The following EPHA8 variants were observed in gnomAD, a reference collection of about 807,000 sequenced individuals.
The protein encoded by EPHA8 is EPH receptor A8.
Under a neutral mutation model 103.6 loss-of-function variants are expected in EPHA8, and 58 were observed. The ratio of observed to expected loss-of-function variants is 0.56; its 90% CI spans 0.45 to 0.70. EPHA8 has a LOEUF of 0.70. Among genes scored for constraint, EPHA8 ranks in the 30% least tolerant of loss-of-function variants. EPHA8 has a pLI of 0.00. For missense variants in EPHA8, 1,304 were observed against 1,395.2 expected, an observed-to-expected ratio of 0.93 and a Z score of 1.04; for synonymous variants, 559 against 572.5, an observed-to-expected ratio of 0.98 and a Z score of 0.34.
Position 22,589,696 on chromosome 1 carries a change from C to G in EPHA8, c.1315+490C>G, listed in dbSNP as rs1641324673. On this transcript the variant is annotated intron_variant, in intron 5 of 16. Transcript: ENST00000166244. The surrounding 1 kb of genome is among the most constrained non-coding windows in gnomAD (Gnocchi z 4.3). ...TAGACTTGGCTGCACTGGCTTGGAC[C>G]ACAGTAGTTTATCTATCAGTTTCTG... The G allele has an allele frequency of 2.8e-6, 3 of 1,080,888 alleles. No homozygotes were observed. Among genetic ancestry groups the G allele is most frequent in the Non-Finnish European group, 3.4e-6 (3 of 893,134 alleles). 67.0% of individuals were successfully genotyped at this position (1,080,888 alleles called of 1,614,324 possible). A position where few individuals can be genotyped will look rare whatever the true frequency, so the allele number is the denominator to read the frequency against.
Position 22,597,728 on chromosome 1 carries a change from T to C in EPHA8, c.1983T>C (p.Asp661=). 6.2e-7 allele frequency: 1 copy of C among 1,612,910 alleles called. No homozygotes were observed. The highest frequency in any genetic ancestry group is 8.5e-7 in the Non-Finnish European group (1 of 1,179,920). Reference sequence around the variant, plus strand: ...GGCTGCGGGTGCCAGGGCAGCGGGATGTGCCCGTGGCCATCAAGGCCCTCA... The same window carrying C: ...GGCTGCGGGTGCCAGGGCAGCGGGACGTGCCCGTGGCCATCAAGGCCCTCA... ...YGRLRVPGQR[D]VPVAIKALKA... The change falls in exon 11 of 17, where the codon GAT becomes GAC. Residue 661 remains aspartate, a synonymous_variant. Coordinates refer to ENST00000166244, the MANE Select transcript of EPHA8 (RefSeq NM_020526.5). This position sits in a 1 kb window ranked among gnomAD's most constrained non-coding sequence, Gnocchi z 4.6.
chr1:22,590,913 A>C (rs1641354808), intron 5 of EPHA8, among the ~76,000 whole-genome samples: 1 of 151,962 alleles, frequency 6.6e-6, no homozygotes, highest in African/African-American at 2.4e-5. Context: ...CTCCAGACCC[A>C]AGCTGTCATC....
rs750733199 is a variant in EPHA8, at chr1:22,576,510, C to A, written c.453C>A (p.Asp151Glu). 1 of 1,614,176 alleles carries A rather than the reference C, an allele frequency of 6.2e-7. No homozygotes were observed. The highest frequency in any genetic ancestry group is 8.5e-7 in the Non-Finnish European group (1 of 1,180,046). Reference sequence around the variant, plus strand: ...TCAAAATCGACACCATTGCGGCCGACGAGAGCTTCACAGGTGCCGACCTTG... The same window carrying A: ...TCAAAATCGACACCATTGCGGCCGAAGAGAGCTTCACAGGTGCCGACCTTG... ...QFLKIDTIAA[D>E]ESFTGADLGV... is the part of the protein sequence containing the mutation. The change falls in exon 3 of 17, where the codon GAC becomes GAA. Residue 151 changes from aspartate (D) to glutamate (E), a missense_variant. By Grantham distance (45) the Asp-to-Glu change is conservative (BLOSUM62 2). Coordinates refer to ENST00000166244, the MANE Select transcript of EPHA8 (RefSeq NM_020526.5). The surrounding 1 kb of genome is among the most constrained non-coding windows in gnomAD (Gnocchi z 4.8).
chr1:22,597,619 G>A lies in EPHA8; in HGVS notation c.1931-57G>A. 6.4e-7 allele frequency: 1 copy of A among 1,555,364 alleles called. No homozygotes were observed. Among genetic ancestry groups the A allele is most frequent in the Non-Finnish European group, 8.7e-7 (1 of 1,149,540 alleles). ...GGGGTCCAAGGGCCTGGGAGGCTGG[G>A]GGAGTCTGAGGGTCCCACTGCCCTC... On this transcript the variant is annotated intron_variant, in intron 10 of 16. Transcript: ENST00000166244. The surrounding 1 kb of genome is among the most constrained non-coding windows in gnomAD (Gnocchi z 4.6).
In EPHA8 at chr1:22,598,154, G is replaced by A. The variant is rs769624500; in HGVS notation, c.2120G>A (p.Arg707His). Residue 707 changes from arginine to histidine, a missense_variant, in exon 12 of 17, where the codon CGC becomes CAC. Arg to His is a conservative substitution (Grantham distance 29, BLOSUM62 0). Transcript: ENST00000166244. The surrounding 1 kb of genome is among the most constrained non-coding windows in gnomAD (Gnocchi z 5.1). ...IRLEGVVTRG[R>H]LAMIVTEYME... The stretch of plus-strand genomic sequence containing the variant: ...CCTCTCCCTACTGCCCGCCCAGGCC[G>A]CCTGGCAATGATTGTGACTGAGTAC... The A allele has an allele frequency of 1.3e-5, 21 of 1,613,260 alleles. No individual in the cohort carries two copies. The highest frequency in any genetic ancestry group is 5.3e-5 in the African/African-American group (4 of 74,902).
At chr1:22,599,698 G>A (rs1474960975) in intron 13 of EPHA8, among the ~76,000 whole-genome samples, 3 of 34,810 alleles carry the variant, frequency 8.6e-5, no homozygotes, top group East Asian at 1.3e-3. Flanking sequence ...AAAGGAGGGA[G>A]GGAGGAAGGA....
At chr1:22,592,909 C>G (rs1641412128) in intron 5 of EPHA8, among the ~76,000 whole-genome samples, 1 of 152,162 alleles carries the variant, frequency 6.6e-6, no homozygotes, top group African/African-American at 2.4e-5. Context: ...ACCCCCTTCC[C>G]TCAGCATCCA....
At chr1:22,568,702 G>T (rs542064551) in intron 1 of EPHA8, among the ~76,000 whole-genome samples, 1 of 152,368 alleles carries the variant, frequency 6.6e-6, no homozygotes, top group South Asian at 2.1e-4. Context: ...CACGGAGGAC[G>T]TGCTAAATGC....
At chr1:22,578,143 T>G (rs867445662) in intron 3 of EPHA8, among the ~76,000 whole-genome samples, 1 of 95,632 alleles carries the variant, frequency 1.0e-5, no homozygotes, top group African/African-American at 3.9e-5. Context: ...TGCATGTGTG[T>G]ATGTGTGCGT....
chr1:22,572,438 G>A (rs866125702), intron 2 of EPHA8, among the ~76,000 whole-genome samples: 2 of 152,210 alleles, frequency 1.3e-5, no homozygotes, highest in African/African-American at 2.4e-5. Context: ...GCAATTCTAC[G>A]AAGACTGGGG....
intron 13 of EPHA8, 81 bp downstream of exon 13, chr1:22,599,128 A>T: frequency 6.9e-7 from 1 of 1,441,350 alleles, no homozygotes; most frequent in Non-Finnish European, 9.4e-7. Context: ...ACCATTCTGC[A>T]AGTAGCTGAA....
chr1:22,600,462 G>GTCTCAC (rs1557584688), intron 13 of EPHA8, among the ~76,000 whole-genome samples, 199 bp from the exon 14 acceptor site: 1 of 151,994 alleles, frequency 6.6e-6, no homozygotes. Context: ...TGTACCAGGC[G>GTCTCAC]TCTCACTCCC....
intron 1 of EPHA8, among the ~76,000 whole-genome samples, chr1:22,566,991 ACTTAT>A (rs1057031585): frequency 1.1e-4 from 17 of 152,040 alleles, no homozygotes; most frequent in African/African-American, 3.9e-4. Flanking sequence ...TTGACTTTTG[ACTTAT>A]CTTTGGATTA....
chr1:22,603,316 A>G lies in EPHA8; in HGVS notation c.*1575A>G, dbSNP rs1191356360. On this transcript the variant is annotated 3_prime_UTR_variant, in exon 17 of 17. Coordinates refer to ENST00000166244, the MANE Select transcript of EPHA8 (RefSeq NM_020526.5). ...ACCTCTATATATTATATTACTATAT[A>G]GCCGAGCTGTTCTTCCTTCCTATGG... 1 of 152,536 alleles carries G rather than the reference A, an allele frequency of 6.6e-6. No individual in the cohort carries two copies. Among genetic ancestry groups the G allele is most frequent in the African/African-American group, 2.4e-5 (1 of 41,422 alleles). 9.4% of individuals were successfully genotyped at this position (152,536 alleles called of 1,614,324 possible). A position where few individuals can be genotyped will look rare whatever the true frequency, so the allele number is the denominator to read the frequency against.
chr1:22,578,965 A>G (rs1218099806), intron 3 of EPHA8, among the ~76,000 whole-genome samples: 7 of 132,380 alleles, frequency 5.3e-5, no homozygotes, highest in African/African-American at 5.6e-5. Context: ...GTCCATGTGT[A>G]TGTTCATGTG....
chr1:22,571,717 G>A (rs1640548535), intron 2 of EPHA8, among the ~76,000 whole-genome samples: 1 of 152,204 alleles, frequency 6.6e-6, no homozygotes, highest in African/African-American at 2.4e-5. Flanking sequence ...CCCACATCCA[G>A]GAGGTCTGCA....
In EPHA8 at chr1:22,593,619, C is replaced by A. The variant is rs1641436081; in HGVS notation, c.1536C>A (p.Val512=). Reference sequence around the variant, plus strand: ...CGGGCACCCGCTACGTGTTCCAGGTCCGAGCCCGCACCTCAGCAGGCTGTG... The same window carrying A: ...CGGGCACCCGCTACGTGTTCCAGGTACGAGCCCGCACCTCAGCAGGCTGTG... ...LKPGTRYVFQ[V]RARTSAGCGR... is the part of the protein sequence containing the mutation. The change falls in exon 7 of 17, where the codon GTC becomes GTA. Residue 512 remains valine, a synonymous_variant. Transcript: ENST00000166244. The A allele has an allele frequency of 1.2e-6, 2 of 1,609,780 alleles. No homozygotes were observed. The highest frequency in any genetic ancestry group is 2.2e-5 in the East Asian group (1 of 44,724).
At chr1:22,571,337 T>C (rs1477059380) in intron 2 of EPHA8, among the ~76,000 whole-genome samples, 2 of 152,074 alleles carry the variant, frequency 1.3e-5, no homozygotes, top group African/African-American at 4.8e-5. Context: ...ATCCTTGAGG[T>C]GGGTGCAGCC....
chr1:22,587,320 C>T (rs1303641936), intron 4 of EPHA8, among the ~76,000 whole-genome samples: 2 of 152,140 alleles, frequency 1.3e-5, no homozygotes, highest in Admixed American at 6.5e-5. Flanking sequence ...TGTGTGTGTA[C>T]ATCTGGGTAC....
Sources: gnomAD v4.1 joint callset for allele counts (sites outside exome capture counted in the v4.1 genomes callset) on GRCh38, gnomAD v4.1.1 for gene constraint, Gnocchi (gnomAD v3.1) non-coding constraint, MANE v1.5 for transcripts, NCBI Gene and HGNC (gene_info 2026-07-23, HGNC 2026-07-21) for gene names.